SRCIN1: variants seen among roughly 807,000 people sequenced by gnomAD.
The protein encoded by SRCIN1 is SRC kinase signaling inhibitor 1.
Under a neutral mutation model 116.2 loss-of-function variants are expected in SRCIN1, and 50 were observed. The observed-to-expected ratio is 0.43, with a 90% CI of 0.34 to 0.54. The LOEUF (loss-of-function observed/expected upper bound fraction) is 0.54, where lower values mean the gene tolerates loss of function less well. Among genes scored for constraint, SRCIN1 ranks in the 20% least tolerant of loss-of-function variants. The probability of loss-of-function intolerance (pLI) is 0.02; values close to 1 mark genes in which losing one functional copy is unlikely to be tolerated. For missense variants in SRCIN1, 1,446 were observed against 1,672.0 expected (o/e 0.86, Z 2.36); for synonymous variants, 736 against 750.0 (o/e 0.98, Z 0.30).
chr17:38,545,360 C>G (rs1597884896), intron 17 of SRCIN1: 1 of 152,710 alleles, frequency 6.5e-6, no homozygotes, highest in East Asian at 1.9e-4. Flanking sequence ...GTCCTGGGTC[C>G]CAGTTCCTCA....
At position 38,560,089 on chromosome 17, in the gene SRCIN1, A is replaced by G. The variant is rs1047395173; in HGVS notation, c.1802T>C (p.Ile601Thr). Reference protein sequence around the residue: ...GSEPETPSEKIEGSNGAATPS... With the variant: ...GSEPETPSEKTEGSNGAATPS... Reference sequence around the variant, plus strand: ...GGTGGCTGCTCCATTGGAGCCTTCAATCTTCTCGCTGTGGCACAGGGAAAA... The same window carrying G: ...GGTGGCTGCTCCATTGGAGCCTTCAGTCTTCTCGCTGTGGCACAGGGAAAA... Residue 601 changes from isoleucine (I) to threonine (T), a missense_variant, in exon 9 of 19, where the codon ATT (isoleucine) becomes ACT (threonine). Physicochemically the swap from Ile to Thr is moderately conservative, Grantham distance 89 (BLOSUM62 -1). Transcript: ENST00000617146. The G allele has an allele frequency of 6.4e-7, 1 of 1,553,188 alleles. No homozygotes were observed.
In SRCIN1 at chr17:38,560,432, A is replaced by T. The variant is rs957317230; in HGVS notation, c.1701-7T>A. Reference sequence around the variant, plus strand: ...CATGGCCTCCATGCGCTCCCTGGGGAGGAAGGGGGTCTGGGCAACCTCGCC... The same window carrying T: ...CATGGCCTCCATGCGCTCCCTGGGGTGGAAGGGGGTCTGGGCAACCTCGCC... On this transcript the variant is annotated splice_region_variant and splice_polypyrimidine_tract_variant and intron_variant, in intron 7 of 18. Transcript: ENST00000617146. 1.8e-5 allele frequency: 29 copies of T among 1,605,776 alleles called. No individual in the cohort carries two copies. Among genetic ancestry groups the T allele is most frequent in the Non-Finnish European group, 2.5e-5 (29 of 1,176,266 alleles).
intron 15 of SRCIN1, among the ~76,000 whole-genome samples, chr17:38,549,671 C>T (rs1905268430): frequency 6.6e-6 from 1 of 152,214 alleles, no homozygotes; most frequent in Non-Finnish European, 1.5e-5. Flanking sequence ...ACTGGGCTCT[C>T]CTCTCCCCCA....
At chr17:38,553,212 G>A (rs867932001) in intron 11 of SRCIN1, among the ~76,000 whole-genome samples, 14 of 152,220 alleles carry the variant, frequency 9.2e-5, no homozygotes, top group Admixed American at 5.2e-4. Context: ...AGCCGTGATT[G>A]TGCCACTGCA....
rs1203830389 is a variant in SRCIN1 at position 38,552,594 on chromosome 17, G to C, written c.2333C>G (p.Ala778Gly). Residue 778 changes from alanine (A) to glycine (G), a missense_variant and splice_region_variant, in exon 13 of 19, where the codon GCT becomes GGT. Transcript: ENST00000617146. The surrounding 1 kb of genome is among the most constrained non-coding windows in gnomAD (Gnocchi z 5.3). ...CTTGCTCTGCAGGCCCGGGAAGTGA[G>C]CTGAGGAGACAGGAAGGCATGAGCT... is the stretch of plus-strand genomic sequence containing the variant. ...QLGETLTELK[A>G]HFPGLQSKMR... The C allele has an allele frequency of 6.2e-7, 1 of 1,612,348 alleles. No homozygotes were observed. The highest frequency in any genetic ancestry group is 1.7e-5 in the Admixed American group (1 of 59,890).
chr17:38,549,242 G>C (rs1905249749), intron 15 of SRCIN1, 32 bp from the exon 16 acceptor site: 1 of 1,493,382 alleles, frequency 6.7e-7, no homozygotes, highest in Admixed American at 2.2e-5. Flanking sequence ...GGGTCAGCAG[G>C]CCTGCAACCT....
chr17:38,551,434 C>CCTGGAG, intron 14 of SRCIN1, 45 bp from the exon 15 acceptor site: 2 of 1,519,954 alleles, frequency 1.3e-6, no homozygotes, highest in Non-Finnish European at 1.8e-6. Flanking sequence ...CTCTCCTGCT[C>CCTGGAG]CAGGACCTCT....
At chr17:38,606,516 C>G (rs552884555), upstream of SRCIN1, among the ~76,000 whole-genome samples, 18 of 152,262 alleles carry the variant, frequency 1.2e-4, no homozygotes, top group South Asian at 3.7e-3. The surrounding 1 kb of genome is among the most constrained non-coding windows in gnomAD (Gnocchi z 5.2). Context: ...CCCCGGCGCC[C>G]CCTGCTGGGC....
At chr17:38,588,640 T>G (rs1908276251) in intron 1 of SRCIN1, among the ~76,000 whole-genome samples, 6 of 152,162 alleles carry the variant, frequency 3.9e-5, no homozygotes. Context: ...CCCCTCTGTG[T>G]GTGAAAGGGA....
Position 38,578,488 on chromosome 17 carries a change from A to G in SRCIN1, c.324+2T>C, listed in dbSNP as rs374489371. On this transcript the variant is annotated splice_donor_variant, in intron 2 of 18. Coordinates refer to ENST00000617146, the MANE Select transcript of SRCIN1 (RefSeq NM_025248.3). LOFTEE classifies it high-confidence loss of function. ...CGCAGCCGCAGCCGGGAGCCCACTC[A>G]CCTGCTCTCGCATCCTGTCCTGCTG... 3 of 1,580,138 alleles carry G rather than the reference A, an allele frequency of 1.9e-6. No individual in the cohort carries two copies. The highest frequency in any genetic ancestry group is 2.6e-6 in the Non-Finnish European group (3 of 1,156,890).
intron 1 of SRCIN1, among the ~76,000 whole-genome samples, chr17:38,597,844 G>A (rs530535287): frequency 3.9e-4 from 60 of 152,266 alleles, no homozygotes; most frequent in Non-Finnish European, 4.7e-4. Context: ...GCTCTGCCTC[G>A]TCCTAAGAGT....
intron 1 of SRCIN1, among the ~76,000 whole-genome samples, chr17:38,596,038 G>C (rs373871924): frequency 1.3e-5 from 2 of 152,274 alleles, no homozygotes; most frequent in East Asian, 3.9e-4. Context: ...AGGAATCGTG[G>C]GGGGCCTCCC....
Position 38,549,325 on chromosome 17 carries a change from G to A in SRCIN1, c.2963-115C>T, listed in dbSNP as rs542533525. On this transcript the variant is annotated intron_variant, in intron 15 of 18. Coordinates refer to ENST00000617146, the MANE Select transcript of SRCIN1 (RefSeq NM_025248.3). Reference sequence around the variant, plus strand: ...TTCCTCCAGGGAGGACCAGGAGGAGGTGAGAGGAAAGCCTGGGGGCAAGAA... The same window carrying A: ...TTCCTCCAGGGAGGACCAGGAGGAGATGAGAGGAAAGCCTGGGGGCAAGAA... 8.6e-5 allele frequency: 94 copies of A among 1,098,464 alleles called. No individual in the cohort carries two copies. The African/African-American group carries it at 1.4e-3, about 16-fold the overall frequency. The allele number at this position is 1,098,464 out of a possible 1,614,324, so 68.0% of individuals were successfully genotyped here. A position where few individuals can be genotyped will look rare whatever the true frequency, so the allele number is the denominator to read the frequency against.
At chr17:38,600,069 T>G (rs2143458803) in intron 1 of SRCIN1, among the ~76,000 whole-genome samples, 1 of 152,336 alleles carries the variant, frequency 6.6e-6, no homozygotes, top group South Asian at 2.1e-4. Context: ...ATCTTCACAA[T>G]TCCAGGATCA....
rs980640837 is a variant in SRCIN1 at position 38,548,578 on chromosome 17, A to G, written c.3249T>C (p.Asp1083=). The change falls in exon 17 of 19, where the codon GAT becomes GAC. Residue 1083 remains aspartate, a synonymous_variant. Coordinates refer to ENST00000617146, the MANE Select transcript of SRCIN1 (RefSeq NM_025248.3). The part of the protein sequence containing the change: ...ASAIKDEDDE[D]RIIAELESGG... ...CTACCTCTAGCTCTGCGATGATGCG[A>G]TCCTCGTCATCCTCGTCCTTGATGG... The G allele has an allele frequency of 1.2e-6, 2 of 1,612,144 alleles. No homozygotes were observed. The highest frequency in any genetic ancestry group is 1.3e-5 in the African/African-American group (1 of 74,852).
intron 18 of SRCIN1, among the ~76,000 whole-genome samples, chr17:38,539,795 C>T (rs1049346214): frequency 6.6e-6 from 1 of 151,876 alleles, no homozygotes; most frequent in Non-Finnish European, 1.5e-5. Flanking sequence ...CTGAGGCAGG[C>T]GGATCACTTG....
chr17:38,536,289 A>G (rs1904375881), intron 18 of SRCIN1, among the ~76,000 whole-genome samples: 1 of 152,230 alleles, frequency 6.6e-6, no homozygotes, highest in African/African-American at 2.4e-5. Flanking sequence ...CTGTGCTGCT[A>G]ACCCTTCTCA....
Position 38,568,223 on chromosome 17 carries a change from G to A in SRCIN1, c.333C>T (p.Tyr111=), listed in dbSNP as rs745682186. 6.2e-7 allele frequency: 1 copy of A among 1,613,430 alleles called. No homozygotes were observed. Among genetic ancestry groups the A allele is most frequent in the Non-Finnish European group, 8.5e-7 (1 of 1,179,690 alleles). Residue 111 remains tyrosine (Y), a synonymous_variant, in exon 3 of 19, where the codon TAC becomes TAT. Transcript: ENST00000617146. The surrounding 1 kb of genome is among the most constrained non-coding windows in gnomAD (Gnocchi z 4.5). ...QQDRMREQPN[Y]WSFKTRSSRH... Reference sequence around the variant, plus strand: ...ATCACACACTGACCTTGAAACTCCAGTAGTTTGGCTGCTGATGGAAATAAG... The same window carrying A: ...ATCACACACTGACCTTGAAACTCCAATAGTTTGGCTGCTGATGGAAATAAG...
At chr17:38,578,823 A>C in intron 1 of SRCIN1, 32 bp from the exon 2 acceptor site, 1 of 1,453,684 alleles carries the variant, frequency 6.9e-7, no homozygotes, top group South Asian at 1.4e-5. Context: ...CGGCTGGGTC[A>C]CGGCGCGCCC....
Sources: gnomAD v4.1 joint callset for allele counts (sites outside exome capture counted in the v4.1 genomes callset) on GRCh38, gnomAD v4.1.1 for gene constraint, Gnocchi (gnomAD v3.1) non-coding constraint, MANE v1.5 for transcripts, NCBI Gene and HGNC (gene_info 2026-07-23, HGNC 2026-07-21) for gene names.